CIMIP2C: variants seen among roughly 807,000 people sequenced by gnomAD.
CIMIP2C encodes the protein ciliary microtubule inner protein 2C.
the CIMIP2C span, chr2:26,578,665 G>T: frequency 4.4e-6 from 2 of 450,702 alleles, no homozygotes; most frequent in Admixed American, 2.4e-5. Flanking sequence ...CTAGAGTATA[G>T]TGGGACTCTC....
chr2:26,570,164 C>T, the CIMIP2C span, among the ~76,000 whole-genome samples: 1 of 152,186 alleles, frequency 6.6e-6, no homozygotes, highest in African/African-American at 2.4e-5. Flanking sequence ...ATGCAAATAT[C>T]GTGGCATTCA....
At chr2:26,573,980 C>A in the CIMIP2C span, among the ~76,000 whole-genome samples, 1 of 152,258 alleles carries the variant, frequency 6.6e-6, no homozygotes, top group African/African-American at 2.4e-5. Context: ...CTCGGCTTCG[C>A]TTCCTTGCCT....
the CIMIP2C span, among the ~76,000 whole-genome samples, chr2:26,564,573 G>C: frequency 1.3e-5 from 2 of 152,186 alleles, no homozygotes; most frequent in Non-Finnish European, 1.5e-5. Context: ...TCCCCTTAAA[G>C]ATTCCCATCA....
the CIMIP2C span, chr2:26,577,553 C>T: frequency 3.0e-5 from 48 of 1,614,082 alleles, no homozygotes; most frequent in Admixed American, 1.2e-4. Flanking sequence ...CAAGACAAGA[C>T]GGGCACAGTG....
At chr2:26,579,191 G>A in the CIMIP2C span, 33 of 1,398,614 alleles carry the variant, frequency 2.4e-5, no homozygotes, top group Non-Finnish European at 2.7e-5. Flanking sequence ...GTAGCCGGCA[G>A]GTCAGCTTGA....
the CIMIP2C span, among the ~76,000 whole-genome samples, chr2:26,565,252 G>T: frequency 2.0e-5 from 3 of 152,060 alleles, no homozygotes; most frequent in Admixed American, 6.5e-5. Context: ...CACCACAGCC[G>T]GCTAATTTTT....
the CIMIP2C span, chr2:26,572,153 T>G: frequency 6.5e-7 from 1 of 1,543,352 alleles, no homozygotes; most frequent in Non-Finnish European, 8.7e-7. Context: ...AGATTCTTAG[T>G]AAGTGCACCC....
chr2:26,569,013 T>G, the CIMIP2C span, among the ~76,000 whole-genome samples: 1 of 16,988 alleles, frequency 5.9e-5, no homozygotes, highest in Non-Finnish European at 2.1e-4. Context: ...TGAGACTCAG[T>G]CTCAAAAAAA....
chr2:26,574,448 A>T, the CIMIP2C span, among the ~76,000 whole-genome samples: 1 of 151,606 alleles, frequency 6.6e-6, no homozygotes, highest in African/African-American at 2.4e-5. Flanking sequence ...GGCTAGGGGG[A>T]AATTTTCACA....
At chr2:26,573,522 C>T in the CIMIP2C span, among the ~76,000 whole-genome samples, 5 of 146,272 alleles carry the variant, frequency 3.4e-5, no homozygotes, top group Non-Finnish European at 5.9e-5. Flanking sequence ...GAGCTCCAGA[C>T]CCAGGAGTGG....
the CIMIP2C span, among the ~76,000 whole-genome samples, chr2:26,565,167 G>A: frequency 6.7e-6 from 1 of 149,876 alleles, no homozygotes; most frequent in Non-Finnish European, 1.5e-5. Flanking sequence ...TCGGCTCACA[G>A]CAACCTCTGC....
the CIMIP2C span, among the ~76,000 whole-genome samples, chr2:26,564,659 C>A: frequency 4.9e-4 from 74 of 152,342 alleles, 2 homozygotes; most frequent in East Asian, 0.014. Flanking sequence ...ATGAAAGAAC[C>A]CAAGATTCCC....
At chr2:26,576,633 C>T in the CIMIP2C span, among the ~76,000 whole-genome samples, 1 of 152,192 alleles carries the variant, frequency 6.6e-6, no homozygotes, top group African/African-American at 2.4e-5. Context: ...GGCATTTATC[C>T]ACCTGTGTCC....
chr2:26,575,621 C>A, the CIMIP2C span, among the ~76,000 whole-genome samples: 2 of 152,182 alleles, frequency 1.3e-5, no homozygotes, highest in African/African-American at 2.4e-5. Context: ...CCTGGGGAAG[C>A]CTCTTAGGGC....
At chr2:26,579,437 G>A in the CIMIP2C span, 1 of 1,613,574 alleles carries the variant, frequency 6.2e-7, no homozygotes, top group Non-Finnish European at 8.5e-7. Flanking sequence ...TTCAGAGCAT[G>A]AGACTTTTAG....
At chr2:26,569,728 C>T in the CIMIP2C span, among the ~76,000 whole-genome samples, 1 of 152,042 alleles carries the variant, frequency 6.6e-6, no homozygotes, top group Non-Finnish European at 1.5e-5. Context: ...GGCACAGTCT[C>T]CTGGCTTATG....
At chr2:26,565,395 T>G in the CIMIP2C span, among the ~76,000 whole-genome samples, 1 of 152,198 alleles carries the variant, frequency 6.6e-6, no homozygotes, top group Non-Finnish European at 1.5e-5. Context: ...CTGGCCTTTT[T>G]TCTTTTTTAA....
chr2:26,571,973 T>G, the CIMIP2C span: 1 of 729,396 alleles, frequency 1.4e-6, no homozygotes, highest in South Asian at 4.8e-5. Context: ...GAAGAATAAG[T>G]AGATTTGAGA....
chr2:26,571,077 GTGTGGATCCATTGCCAGGCA>G, the CIMIP2C span, among the ~76,000 whole-genome samples: 1 of 152,290 alleles, frequency 6.6e-6, no homozygotes, highest in African/African-American at 2.4e-5. Context: ...GCCCAGCCTT[GTGTGGATCCATTGCCAGGCA>G]TGTGGATCCA....
Sources: gnomAD v4.1 joint callset for allele counts (sites outside exome capture counted in the v4.1 genomes callset) on GRCh38, gnomAD v4.1.1 for gene constraint, MANE v1.5 for transcripts, NCBI Gene and HGNC (gene_info 2026-07-23, HGNC 2026-07-21) for gene names.